ATP8B4: variants seen among roughly 807,000 people sequenced by gnomAD.
ATP8B4 encodes probable phospholipid-transporting ATPase IM.
In ATP8B4, 133 loss-of-function variants were observed where a neutral mutation model predicts 145.6. That is an observed-to-expected ratio of 0.91 (90% CI 0.79 to 1.05). The LOEUF is 1.05. Among genes scored for constraint, ATP8B4 ranks in the 50% least tolerant of loss-of-function variants. The probability of loss-of-function intolerance (pLI) is 0.00; values close to 1 mark genes in which losing one functional copy is unlikely to be tolerated. For synonymous variants in ATP8B4, 507 were observed against 492.9 expected, an observed-to-expected ratio of 1.03 and a Z score of -0.38; for missense variants, 1,458 against 1,425.2, an observed-to-expected ratio of 1.02 and a Z score of -0.37.
chr15:50,026,256 A>T (rs2049998109), intron 6 of ATP8B4, among the ~76,000 whole-genome samples: 1 of 152,164 alleles, frequency 6.6e-6, no homozygotes, highest in African/African-American at 2.4e-5. Flanking sequence ...GCTGAAGAGG[A>T]TCACAGAGTC....
chr15:50,078,116 T>C (rs1334197890), intron 2 of ATP8B4, among the ~76,000 whole-genome samples: 3 of 152,136 alleles, frequency 2.0e-5, no homozygotes, highest in Non-Finnish European at 4.4e-5. Flanking sequence ...TTGGTTTCTC[T>C]TTTTAATTCT....
At chr15:50,128,938 C>T (rs547582426) in intron 1 of ATP8B4, among the ~76,000 whole-genome samples, 4 of 152,124 alleles carry the variant, frequency 2.6e-5, no homozygotes, top group South Asian at 2.1e-4. Context: ...CCTGGTGGTG[C>T]GCACCTGTAA....
At chr15:50,058,355 A>G (rs1355499819) in intron 3 of ATP8B4, among the ~76,000 whole-genome samples, 1 of 152,198 alleles carries the variant, frequency 6.6e-6, no homozygotes, top group Non-Finnish European at 1.5e-5. Flanking sequence ...CTTAGTGCAG[A>G]TGGACTGCTT....
intron 2 of ATP8B4, among the ~76,000 whole-genome samples, chr15:50,090,291 T>C (rs2055520526): frequency 6.6e-6 from 1 of 152,110 alleles, no homozygotes; most frequent in Middle Eastern, 3.2e-3. Context: ...GACAGGTTGA[T>C]AGATGCAGCA....
Position 49,897,503 on chromosome 15 carries a change from C to G in ATP8B4, c.2486G>C (p.Gly829Ala), listed in dbSNP as rs72733085. 3 of 1,553,566 alleles carry G rather than the reference C, an allele frequency of 1.9e-6. No homozygotes were observed. Among genetic ancestry groups the G allele is most frequent in the African/African-American group, 2.7e-5 (2 of 72,874 alleles). Residue 829 changes from glycine (G) to alanine (A), a missense_variant, in exon 23 of 28, where the codon GGT (glycine) becomes GCT (alanine). Physicochemically the swap from Gly to Ala is moderately conservative, Grantham distance 60. Transcript: ENST00000284509. ...TCCTTCCTGGCCGCTGATGCCAACA[C>G]CAATGTGAGCACCTACAAAGGAAAG... is the stretch of plus-strand genomic sequence containing the variant. ...DVSMIKSAHI[G>A]VGISGQEGLQ...
intron 12 of ATP8B4, among the ~76,000 whole-genome samples, chr15:49,978,772 AC>A (rs1165544185): frequency 3.4e-5 from 5 of 148,502 alleles, no homozygotes; most frequent in African/African-American, 1.3e-4. Context: ...ACACACACAC[AC>A]ACACACACAC....
chr15:49,938,811 C>T (rs2041939251), intron 14 of ATP8B4, among the ~76,000 whole-genome samples: 1 of 152,106 alleles, frequency 6.6e-6, no homozygotes, highest in Admixed American at 6.6e-5. Context: ...ATACATACTT[C>T]TCTTCTGCAC....
rs370006688 is a variant in ATP8B4 at position 49,881,536 on chromosome 15, C to T, written c.2698-2077G>A. Among the ~76,000 whole-genome samples, 7 of 152,244 alleles carry T rather than the reference C, an allele frequency of 4.6e-5. No homozygotes were observed. In the South Asian group the frequency reaches 6.2e-4, roughly 14 times the overall value. Reference sequence around the variant, plus strand: ...AAGTGATACAAGACAGCTGCAGCCACGTGAAGGATAATGCACTCAATGTGG... The same window carrying T: ...AAGTGATACAAGACAGCTGCAGCCATGTGAAGGATAATGCACTCAATGTGG... On this transcript the variant is annotated intron_variant, in intron 23 of 27. Coordinates refer to ENST00000284509, the MANE Select transcript of ATP8B4 (RefSeq NM_024837.4).
intron 23 of ATP8B4, among the ~76,000 whole-genome samples, chr15:49,889,872 G>A (rs2036605910): frequency 6.6e-6 from 1 of 152,196 alleles, no homozygotes; most frequent in African/African-American, 2.4e-5. Flanking sequence ...GTTTTCAGCT[G>A]AAGAAAGGAT....
chr15:49,979,843 T>G (rs2046000559), intron 11 of ATP8B4, 30 bp from the exon 12 acceptor site: 1,805 of 1,441,206 alleles, frequency 1.3e-3, no homozygotes, highest in Non-Finnish European at 1.6e-3. Context: ...TGGTTAAGGT[T>G]AACTTGAACT....
intron 19 of ATP8B4, among the ~76,000 whole-genome samples, chr15:49,918,216 G>C (rs542332250): frequency 2.0e-5 from 3 of 152,190 alleles, no homozygotes; most frequent in Non-Finnish European, 4.4e-5. Context: ...AGTAGAACAC[G>C]ATGATTCACT....
intron 14 of ATP8B4, among the ~76,000 whole-genome samples, chr15:49,938,768 T>C (rs1233887045): frequency 6.6e-6 from 1 of 152,110 alleles, no homozygotes; most frequent in African/African-American, 2.4e-5. Flanking sequence ...CTAATAGACA[T>C]CTACATAATA....
chr15:50,129,166 T>C (rs2057327650), intron 1 of ATP8B4, among the ~76,000 whole-genome samples: 1 of 152,244 alleles, frequency 6.6e-6, no homozygotes, highest in Admixed American at 6.5e-5. Flanking sequence ...CTCATGTCCA[T>C]CACTAAATGC....
chr15:49,872,726 T>C (rs541423535), intron 25 of ATP8B4, among the ~76,000 whole-genome samples: 1 of 152,258 alleles, frequency 6.6e-6, no homozygotes, highest in East Asian at 1.9e-4. Context: ...GCAAAGACTA[T>C]AGAACTGTCA....
intron 6 of ATP8B4, among the ~76,000 whole-genome samples, chr15:50,013,850 T>G (rs2048891076): frequency 6.6e-6 from 1 of 152,180 alleles, no homozygotes; most frequent in South Asian, 2.1e-4. Flanking sequence ...TGAACCTGCT[T>G]CTTCCTGATG....
chr15:49,932,416 G>A (rs572907950), intron 15 of ATP8B4, among the ~76,000 whole-genome samples: 54 of 151,968 alleles, frequency 3.6e-4, no homozygotes, highest in African/African-American at 1.3e-3. Flanking sequence ...CAATAGACAT[G>A]AATGAATTTT....
chr15:50,139,622 C>T (rs1415297300), intron 1 of ATP8B4, among the ~76,000 whole-genome samples: 1 of 152,136 alleles, frequency 6.6e-6, no homozygotes, highest in Non-Finnish European at 1.5e-5. Context: ...ATAAATGTGT[C>T]CGTTCGATGG....
At chr15:49,944,207 T>C (rs1443904564) in intron 14 of ATP8B4, among the ~76,000 whole-genome samples, 1 of 152,076 alleles carries the variant, frequency 6.6e-6, no homozygotes, top group Non-Finnish European at 1.5e-5. Context: ...TAATAGTAAA[T>C]CCTTTCCTGT....
At chr15:50,030,633 C>G (rs948323048) in intron 6 of ATP8B4, among the ~76,000 whole-genome samples, 3 of 152,124 alleles carry the variant, frequency 2.0e-5, no homozygotes, top group South Asian at 2.1e-4. Context: ...TTTTCTCCCC[C>G]ACAAATTCTT....
Sources: allele counts gnomAD v4.1 joint callset (sites outside exome capture counted in the v4.1 genomes callset), GRCh38; gene constraint gnomAD v4.1.1; transcripts MANE v1.5; gene names NCBI Gene and HGNC (gene_info 2026-07-23, HGNC 2026-07-21).